Variants in ATG4B observed in about 807,000 individuals in gnomAD.
ATG4B encodes cysteine protease ATG4B.
ATG4B carries 29 observed loss-of-function variants against 56.6 expected under a neutral mutation model. That is an observed-to-expected ratio of 0.51 (90% CI 0.38 to 0.70). ATG4B has a LOEUF of 0.70. Ranked by LOEUF, ATG4B falls within the 30% of genes least tolerant of loss-of-function variation. ATG4B has a pLI of 0.00. For missense variants in ATG4B, 461 were observed against 515.5 expected (o/e 0.89, Z 1.02); for synonymous variants, 224 against 206.1 (o/e 1.09, Z -0.74).
chr2:241,667,942 C>G, intron 8 of ATG4B: 2 of 567,754 alleles, frequency 3.5e-6, no homozygotes, highest in South Asian at 4.3e-5. Context: ...CTGAGCTGAG[C>G]CTGCAGATTG....
At chr2:241,656,529 C>G (rs1234233556) in intron 6 of ATG4B, among the ~76,000 whole-genome samples, 2 of 152,230 alleles carry the variant, frequency 1.3e-5, no homozygotes, top group African/African-American at 4.8e-5. Context: ...CACCAGGCCA[C>G]TCGCCATGCT....
At chr2:241,643,621 T>C (rs1162497240) in intron 1 of ATG4B, among the ~76,000 whole-genome samples, 1 of 149,120 alleles carries the variant, frequency 6.7e-6, no homozygotes, top group Non-Finnish European at 1.5e-5. Context: ...TACGTATATA[T>C]ACACATAAAT....
intron 7 of ATG4B, chr2:241,659,429 G>T: frequency 3.4e-6 from 2 of 581,434 alleles, no homozygotes; most frequent in Admixed American, 4.6e-5. Context: ...ATCTCACGTC[G>T]TGTTTTGTGT....
At chr2:241,638,488 C>A (rs1379712691) in intron 1 of ATG4B, 1 of 152,072 alleles carries the variant, frequency 6.6e-6, no homozygotes, top group African/African-American at 2.4e-5. Flanking sequence ...AGCCCAGTAG[C>A]CCTAGAAATA....
rs759665152 is a variant in ATG4B, at chr2:241,668,233, G to A, written c.811+12G>A. ...CATCGGCTACGTTGGTGAGTCCAGG[G>A]TTCCCACCGTGTCCCTGTGGGCCTG... On this transcript the variant is annotated intron_variant, in intron 9 of 12. Transcript: ENST00000404914. This position sits in a 1 kb window ranked among gnomAD's most constrained non-coding sequence, Gnocchi z 4.2. The A allele has an allele frequency of 6.3e-7, 1 of 1,589,284 alleles. No individual in the cohort carries two copies. Among genetic ancestry groups the A allele is most frequent in the Non-Finnish European group, 8.6e-7 (1 of 1,168,366 alleles).
intron 7 of ATG4B, among the ~76,000 whole-genome samples, chr2:241,661,295 T>C (rs899124451): frequency 6.6e-6 from 1 of 152,198 alleles, no homozygotes; most frequent in Non-Finnish European, 1.5e-5. Flanking sequence ...GGCATCCACA[T>C]CCAGCCAGCA....
At chr2:241,650,414 C>T (rs1039068070) in intron 1 of ATG4B, among the ~76,000 whole-genome samples, 1 of 152,080 alleles carries the variant, frequency 6.6e-6, no homozygotes, top group Non-Finnish European at 1.5e-5. Flanking sequence ...ACCAGAACCC[C>T]AGTCTTCCCA....
intron 8 of ATG4B, 52 bp downstream of exon 8, chr2:241,666,890 T>C: frequency 6.6e-7 from 1 of 1,518,838 alleles, no homozygotes; most frequent in South Asian, 1.2e-5. Context: ...CTTCTCCCAG[T>C]TCTTAGTCAC....
intron 3 of ATG4B, among the ~76,000 whole-genome samples, chr2:241,652,668 T>TA (rs1399703290): frequency 6.6e-6 from 1 of 152,118 alleles, no homozygotes; most frequent in Non-Finnish European, 1.5e-5. Context: ...GGCTCTGAGA[T>TA]ACGTTTTTAT....
Position 241,672,355 on chromosome 2 carries a change from C to T in ATG4B, c.*91C>T. 8.1e-7 allele frequency: 1 copy of T among 1,237,350 alleles called. No homozygotes were observed. The highest frequency in any genetic ancestry group is 1.1e-6 in the Non-Finnish European group (1 of 872,648). The allele number at this position is 1,237,350 out of a possible 1,614,324, so 76.6% of individuals were successfully genotyped here. Reference sequence around the variant, plus strand: ...ATCCCGCCCGCTCGCCTGCCGAGGGCTGCGCCCCGTGCTGCCTCCCCCCAG... The same window carrying T: ...ATCCCGCCCGCTCGCCTGCCGAGGGTTGCGCCCCGTGCTGCCTCCCCCCAG... On this transcript the variant is annotated 3_prime_UTR_variant, in exon 13 of 13. Coordinates refer to ENST00000404914, the MANE Select transcript of ATG4B (RefSeq NM_013325.5).
chr2:241,659,001 C>A, intron 6 of ATG4B, 107 bp from the exon 7 acceptor site: 1 of 769,506 alleles, frequency 1.3e-6, no homozygotes, highest in Non-Finnish European at 2.0e-6. Flanking sequence ...CCCTTCTCAT[C>A]CGAGAAGCAC....
chr2:241,669,293 G>A (rs1396273796), intron 10 of ATG4B, among the ~76,000 whole-genome samples: 3 of 152,212 alleles, frequency 2.0e-5, no homozygotes, highest in East Asian at 3.9e-4. Context: ...AATCATGAAT[G>A]ACGGTGACAT....
At chr2:241,655,627 G>T (rs1363620890) in intron 6 of ATG4B, among the ~76,000 whole-genome samples, 1 of 152,170 alleles carries the variant, frequency 6.6e-6, no homozygotes, top group African/African-American at 2.4e-5. Flanking sequence ...GGGGTGGGCA[G>T]CTGAAGCTAG....
At chr2:241,654,879 C>T in intron 5 of ATG4B, 1 of 583,950 alleles carries the variant, frequency 1.7e-6, no homozygotes, top group Non-Finnish European at 3.0e-6. Flanking sequence ...TCCTGCTGTC[C>T]ATGCGGCTTG....
rs770581070 is a variant in ATG4B, at chr2:241,668,673, G to A, written c.945G>A (p.Pro315=). ...PCRMSIAELD[P]SIAVGFFCKT... is the part of the protein sequence containing the mutation. ...GCATGAGCATCGCGGAGCTTGACCCGTCCATCGCTGTGGTACGTGGCGGCC... is the reference window on the plus strand; with the variant it reads ...GCATGAGCATCGCGGAGCTTGACCCATCCATCGCTGTGGTACGTGGCGGCC... The change falls in exon 10 of 13, where the codon CCG becomes CCA. Residue 315 remains proline (P), a synonymous_variant. Coordinates refer to ENST00000404914, the MANE Select transcript of ATG4B (RefSeq NM_013325.5). The surrounding 1 kb of genome is among the most constrained non-coding windows in gnomAD (Gnocchi z 4.2). 3.5e-5 allele frequency: 55 copies of A among 1,573,170 alleles called. No homozygotes were observed. Among genetic ancestry groups the A allele is most frequent in the East Asian group, 1.6e-4 (7 of 42,458 alleles).
At chr2:241,648,607 GA>G (rs796479347) in intron 1 of ATG4B, among the ~76,000 whole-genome samples, 8 of 139,206 alleles carry the variant, frequency 5.7e-5, no homozygotes, top group Admixed American at 4.3e-4. Context: ...AAAAAAAAAA[GA>G]AAAAAAAACA....
chr2:241,650,056 T>A (rs1057006355), intron 1 of ATG4B, among the ~76,000 whole-genome samples: 6 of 152,176 alleles, frequency 3.9e-5, no homozygotes, highest in Admixed American at 3.9e-4. Context: ...AGTGCTGGGA[T>A]CACAGGCATG....
chr2:241,663,044 T>C (rs2068638771), intron 7 of ATG4B, among the ~76,000 whole-genome samples: 1 of 152,054 alleles, frequency 6.6e-6, no homozygotes, highest in South Asian at 2.1e-4. Context: ...AAGACCAGCC[T>C]GGTCAACATC....
chr2:241,637,848 G>C (rs1443691572), intron 1 of ATG4B, 124 bp downstream of exon 1: 1 of 1,181,414 alleles, frequency 8.5e-7, no homozygotes, highest in Admixed American at 4.4e-5. Context: ...GGCTGGGCCG[G>C]GGCGGCGGGC....
Sources: allele counts gnomAD v4.1 joint callset (sites outside exome capture counted in the v4.1 genomes callset), GRCh38; gene constraint gnomAD v4.1.1; non-coding constraint Gnocchi (gnomAD v3.1); transcripts MANE v1.5; gene names NCBI Gene and HGNC (gene_info 2026-07-23, HGNC 2026-07-21).